The following SV2C variants were observed in gnomAD, a reference collection of about 807,000 sequenced individuals.
SV2C encodes the protein solute carrier family 22 member B3.
A neutral mutation model predicts 79.7 loss-of-function variants in SV2C; 49 were observed. The ratio of observed to expected loss-of-function variants is 0.61; its 90% confidence interval spans 0.49 to 0.78. The LOEUF is 0.78. SV2C is among the 30% of genes least tolerant of loss of function. The pLI, the probability that SV2C is intolerant of heterozygous loss-of-function variation, is 0.00. For synonymous variants in SV2C, 334 were observed against 333.2 expected, an observed-to-expected ratio of 1.00 and a Z score of -0.03; for missense variants, 833 against 912.9, an observed-to-expected ratio of 0.91 and a Z score of 1.13.
chr5:75,951,022 T>C, the SV2C span, among the ~76,000 whole-genome samples: 1 of 151,980 alleles, frequency 6.6e-6, no homozygotes, highest in Non-Finnish European at 1.5e-5. Flanking sequence ...CCATCCTTTC[T>C]CTCTTTATTC....
At chr5:76,321,550 G>A (rs1748829568) in intron 12 of SV2C, among the ~76,000 whole-genome samples, 1 of 151,890 alleles carries the variant, frequency 6.6e-6, no homozygotes, top group Non-Finnish European at 1.5e-5. Context: ...GACCATCCTG[G>A]GCAATATGAT....
chr5:76,303,983 G>A (rs188488184), intron 12 of SV2C, among the ~76,000 whole-genome samples: 3 of 152,300 alleles, frequency 2.0e-5, no homozygotes, highest in South Asian at 4.1e-4. Flanking sequence ...AAGGCTGTTG[G>A]AGACCCAGGG....
the SV2C span, among the ~76,000 whole-genome samples, chr5:76,037,360 TC>T: frequency 6.6e-6 from 1 of 152,234 alleles, no homozygotes; most frequent in Non-Finnish European, 1.5e-5. Flanking sequence ...TCTGTTTTTT[TC>T]CCCATCTTTG....
the SV2C span, among the ~76,000 whole-genome samples, chr5:75,889,533 C>T: frequency 2.0e-5 from 3 of 152,160 alleles, no homozygotes; most frequent in South Asian, 6.2e-4. Flanking sequence ...CAAGTCTTTG[C>T]TATTGTAAAT....
chr5:76,332,564 G>A lies in SV2C; in HGVS notation c.*7017G>A, dbSNP rs1471111233. ...ATTTTACTACATTTTACCATTATCT[G>A]TGCCCATGAGGTAATGTATGCCTAT... On this transcript the variant is annotated 3_prime_UTR_variant, in exon 13 of 13. Transcript: ENST00000502798. 6.6e-6 allele frequency: 1 copy of A among 152,122 alleles called. No homozygotes were observed. Among genetic ancestry groups the A allele is most frequent in the East Asian group, 1.9e-4 (1 of 5,202 alleles). The allele number at this position is 152,122 out of a possible 1,614,324, so 9.4% of individuals were successfully genotyped here. A position where few individuals can be genotyped will look rare whatever the true frequency, so the allele number is the denominator to read the frequency against.
chr5:76,309,599 CAAAAAAAA>C lies in SV2C; in HGVS notation c.2000+8073_2000+8080del, dbSNP rs769865757. ...TGGGCGACAGAGCGAAACTCCATCT[CAAAAAAAA>C]AAAAAAAAAAAAAAAAAACAGAAAG... On this transcript the variant is annotated intron_variant, in intron 12 of 12. Coordinates refer to ENST00000502798, the MANE Select transcript of SV2C (RefSeq NM_014979.4). Among the ~76,000 whole-genome samples, 70 of 18,712 alleles carry C rather than the reference CAAAAAAAA, an allele frequency of 3.7e-3. No homozygotes were observed. The East Asian group carries it at 0.082, about 22-fold the overall frequency. The allele number at this position is 18,712 out of a possible 152,430, so 12.3% of individuals were successfully genotyped here. A position where few individuals can be genotyped will look rare whatever the true frequency, so the allele number is the denominator to read the frequency against.
At chr5:76,129,831 A>T (rs1438821554) in intron 1 of SV2C, among the ~76,000 whole-genome samples, 1 of 152,134 alleles carries the variant, frequency 6.6e-6, no homozygotes, top group Non-Finnish European at 1.5e-5. Flanking sequence ...TTTGGAGCTC[A>T]CTTAATGGTA....
At chr5:76,102,038 C>A (rs114797075) in intron 1 of SV2C, among the ~76,000 whole-genome samples, 1,759 of 152,300 alleles carry the variant, frequency 0.012, 40 homozygotes, top group African/African-American at 0.04. Context: ...CTAACAGGAT[C>A]TTTGGACTTC....
chr5:76,034,991 T>C, the SV2C span, among the ~76,000 whole-genome samples: 1 of 152,146 alleles, frequency 6.6e-6, no homozygotes, highest in Non-Finnish European at 1.5e-5. Flanking sequence ...GTGTATGTGT[T>C]GAGGAATTTA....
the SV2C span, among the ~76,000 whole-genome samples, chr5:76,021,393 T>C: frequency 6.6e-6 from 1 of 152,332 alleles, no homozygotes; most frequent in South Asian, 2.1e-4. Context: ...AACAAATGAA[T>C]GTTTATTCTC....
chr5:76,216,932 C>A (rs1744920894), intron 4 of SV2C, among the ~76,000 whole-genome samples: 1 of 152,224 alleles, frequency 6.6e-6, no homozygotes, highest in Non-Finnish European at 1.5e-5. Context: ...CTCCATTAAA[C>A]CCTCTGTCAT....
upstream of SV2C, chr5:76,079,466 G>A (rs1700621189): frequency 6.9e-6 from 2 of 291,284 alleles, no homozygotes; most frequent in South Asian, 8.9e-5. Flanking sequence ...CACCAAAGAA[G>A]GGAGAGAATT....
At chr5:76,239,980 T>C (rs1023294471) in intron 4 of SV2C, among the ~76,000 whole-genome samples, 1 of 152,214 alleles carries the variant, frequency 6.6e-6, no homozygotes, top group African/African-American at 2.4e-5. Flanking sequence ...AAAAAATATT[T>C]TCCTCCCTGT....
At chr5:75,949,145 T>C in the SV2C span, among the ~76,000 whole-genome samples, 1 of 152,102 alleles carries the variant, frequency 6.6e-6, no homozygotes, top group Non-Finnish European at 1.5e-5. Context: ...ATGTACCTAC[T>C]CCTGCTTCAC....
intron 4 of SV2C, among the ~76,000 whole-genome samples, chr5:76,251,528 A>T (rs144431271): frequency 5.1e-4 from 77 of 152,244 alleles, no homozygotes; most frequent in Non-Finnish European, 9.9e-4. Context: ...TCCAGCCTGG[A>T]CAACAGTGTG....
At chr5:76,148,936 G>A (rs536469734) in intron 2 of SV2C, among the ~76,000 whole-genome samples, 1 of 152,148 alleles carries the variant, frequency 6.6e-6, no homozygotes, top group Non-Finnish European at 1.5e-5. Context: ...TGCACAATTT[G>A]AGCCTGTTTT....
At chr5:76,146,797 T>TAAAAAAAAAAAAAAAAA (rs34569063) in intron 2 of SV2C, among the ~76,000 whole-genome samples, 1 of 39,348 alleles carries the variant, frequency 2.5e-5, no homozygotes, top group African/African-American at 1.4e-4. Flanking sequence ...AGTTTTTTTT[T>TAAAAAAAAAAAAAAAAA]AAAAAAAAAA....
chr5:76,253,386 G>T (rs1161992270), intron 4 of SV2C, among the ~76,000 whole-genome samples: 1 of 152,014 alleles, frequency 6.6e-6, no homozygotes, highest in Non-Finnish European at 1.5e-5. Flanking sequence ...CGGTCTCCCG[G>T]GCTCAAGCGA....
In SV2C at chr5:76,197,699, T is replaced by C. The variant is rs1035398316; in HGVS notation, c.761+2600T>C. Among the ~76,000 whole-genome samples, 10 of 150,356 alleles carry C rather than the reference T, an allele frequency of 6.7e-5. No homozygotes were observed. The Admixed American group carries it at 6.7e-4, about 10-fold the overall frequency. ...AATAGGAAAGAATGGATAGAATAGA[T>C]AGACAGGCAGATAGATAGATAGATA... On this transcript the variant is annotated intron_variant, in intron 3 of 12. Coordinates refer to ENST00000502798, the MANE Select transcript of SV2C (RefSeq NM_014979.4).
Sources: allele counts gnomAD v4.1 joint callset (sites outside exome capture counted in the v4.1 genomes callset), GRCh38; gene constraint gnomAD v4.1.1; transcripts MANE v1.5; gene names NCBI Gene and HGNC (gene_info 2026-07-23, HGNC 2026-07-21).